The following SPPL3 variants were observed in gnomAD, a reference collection of about 807,000 sequenced individuals.
SPPL3 encodes signal peptide peptidase like 3.
SPPL3 carries 5 observed loss-of-function variants against 42.4 expected under a neutral mutation model. The observed-to-expected ratio is 0.12, with a 90% CI of 0.06 to 0.25. SPPL3 has a LOEUF of 0.25. SPPL3 is among the 10% of genes least tolerant of loss of function. The pLI is 1.00. For synonymous variants in SPPL3, 195 were observed against 181.8 expected (o/e 1.07, Z -0.58); for missense variants, 235 against 489.0 (o/e 0.48, Z 4.90).
At chr12:120,808,096 T>TG (rs1870564970) in intron 2 of SPPL3, among the ~76,000 whole-genome samples, 1 of 151,394 alleles carries the variant, frequency 6.6e-6, no homozygotes, top group Non-Finnish European at 1.5e-5. Flanking sequence ...CTTTTTTTTT[T>TG]TTTTTTGTTT....
intron 1 of SPPL3, among the ~76,000 whole-genome samples, chr12:120,817,628 C>G (rs1870926017): frequency 1.3e-5 from 2 of 152,132 alleles, no homozygotes; most frequent in African/African-American, 4.8e-5. Context: ...AAAAATGTGG[C>G]CAGCCTTAAG....
Position 120,784,485 on chromosome 12 carries a change from A to G in SPPL3, c.299T>C (p.Ile100Thr), listed in dbSNP as rs766226358. Residue 100 changes from isoleucine (I) to threonine (T), a missense_variant, in exon 4 of 11, where the codon ATA becomes ACA. Ile to Thr is a moderately conservative substitution (Grantham distance 89, BLOSUM62 -1). Coordinates refer to ENST00000353487, the MANE Select transcript of SPPL3 (RefSeq NM_139015.5). ...FFDSVQVVFT[I>T]CTAVLATIAF... ...AAACTCATATTTACCTGCTGTACAT[A>G]TTGTAAAAACTACTTGAACTGAGTC... 1.9e-6 allele frequency: 3 copies of G among 1,609,048 alleles called. No individual in the cohort carries two copies. The highest frequency in any genetic ancestry group is 3.4e-5 in the Admixed American group (2 of 59,090).
intron 1 of SPPL3, among the ~76,000 whole-genome samples, chr12:120,844,369 T>C (rs879529619): frequency 6.6e-6 from 1 of 152,182 alleles, no homozygotes. Flanking sequence ...CTTACTCCCA[T>C]TCTCCTTCGC....
chr12:120,832,510 A>G (rs1259010594), intron 1 of SPPL3, among the ~76,000 whole-genome samples: 3 of 152,094 alleles, frequency 2.0e-5, no homozygotes, highest in Non-Finnish European at 2.9e-5. Context: ...CATCTCTACT[A>G]AAAATGCAAA....
rs2136962801 is a variant in SPPL3 at position 120,764,028 on chromosome 12, GA to G, written c.*970del. ...CCCTGCGAGGGAGAAGCCTAGAAAA[GA>G]AAGAAAGGGCCAAAAGGTTTGAACT... On this transcript the variant is annotated 3_prime_UTR_variant, in exon 11 of 11. Coordinates refer to ENST00000353487, the MANE Select transcript of SPPL3 (RefSeq NM_139015.5). The G allele has an allele frequency of 6.5e-6, 1 of 152,688 alleles. No homozygotes were observed. Among genetic ancestry groups the G allele is most frequent in the South Asian group, 2.1e-4 (1 of 4,828 alleles). 9.5% of individuals were successfully genotyped at this position (152,688 alleles called of 1,614,324 possible).
intron 1 of SPPL3, among the ~76,000 whole-genome samples, chr12:120,843,723 T>G (rs531936598): frequency 6.6e-6 from 1 of 152,096 alleles, no homozygotes; most frequent in South Asian, 2.1e-4. Context: ...GTGGCTGAGG[T>G]GGGTGGATCG....
chr12:120,889,958 T>A (rs949785026), intron 1 of SPPL3, among the ~76,000 whole-genome samples: 1 of 151,948 alleles, frequency 6.6e-6, no homozygotes, highest in African/African-American at 2.4e-5. Context: ...AAAAAAAAAA[T>A]AATTTTGCTG....
At chr12:120,838,869 A>C (rs1218436147) in intron 1 of SPPL3, among the ~76,000 whole-genome samples, 2 of 152,194 alleles carry the variant, frequency 1.3e-5, no homozygotes, top group Non-Finnish European at 2.9e-5. Context: ...CAGGTGCTGG[A>C]GAGAATATGG....
intron 6 of SPPL3, among the ~76,000 whole-genome samples, chr12:120,777,075 C>A (rs2136973320): frequency 6.6e-6 from 1 of 152,280 alleles, no homozygotes; most frequent in Non-Finnish European, 1.5e-5. Flanking sequence ...AAGACACCAT[C>A]ATAAAACAGT....
intron 1 of SPPL3, among the ~76,000 whole-genome samples, chr12:120,832,499 C>G (rs2137018973): frequency 6.6e-6 from 1 of 152,120 alleles, no homozygotes; most frequent in African/African-American, 2.4e-5. Context: ...TGAAGAAACC[C>G]CATCTCTACT....
chr12:120,791,944 T>C (rs1226157338), intron 2 of SPPL3: 1 of 207,902 alleles, frequency 4.8e-6, no homozygotes, highest in East Asian at 1.6e-4. Flanking sequence ...CAGCAGTGTA[T>C]GAGAGCACTC....
At chr12:120,851,206 A>C (rs1190899572) in intron 1 of SPPL3, among the ~76,000 whole-genome samples, 1 of 152,192 alleles carries the variant, frequency 6.6e-6, no homozygotes, top group African/African-American at 2.4e-5. Context: ...TGATATAGTC[A>C]AAAAACTAGA....
chr12:120,858,138 A>G (rs1872518324), intron 1 of SPPL3, among the ~76,000 whole-genome samples: 1 of 152,236 alleles, frequency 6.6e-6, no homozygotes, highest in African/African-American at 2.4e-5. Flanking sequence ...TAAAACAGGT[A>G]AAAACTGTAA....
At chr12:120,847,013 C>G (rs1872062505) in intron 1 of SPPL3, among the ~76,000 whole-genome samples, 1 of 152,116 alleles carries the variant, frequency 6.6e-6, no homozygotes, top group Admixed American at 6.5e-5. Context: ...ATAGACTTTT[C>G]TAAGATTTCC....
intron 1 of SPPL3, among the ~76,000 whole-genome samples, chr12:120,827,691 A>AT (rs982474237): frequency 6.6e-6 from 1 of 152,194 alleles, no homozygotes; most frequent in African/African-American, 2.4e-5. Flanking sequence ...AGCTGGGATC[A>AT]TTAAGTTGTA....
chr12:120,773,049 A>T (rs1287492633), intron 6 of SPPL3, among the ~76,000 whole-genome samples: 1 of 152,242 alleles, frequency 6.6e-6, no homozygotes, highest in Non-Finnish European at 1.5e-5. Context: ...GAACCTAATG[A>T]AATGTATTAG....
chr12:120,788,744 T>C (rs1045577337), intron 3 of SPPL3, among the ~76,000 whole-genome samples: 1 of 152,220 alleles, frequency 6.6e-6, no homozygotes, highest in Non-Finnish European at 1.5e-5. Context: ...GATTACTGTC[T>C]CCTTCAATCA....
intron 1 of SPPL3, among the ~76,000 whole-genome samples, chr12:120,828,439 T>G (rs578114382): frequency 6.6e-6 from 1 of 151,728 alleles, no homozygotes; most frequent in Non-Finnish European, 1.5e-5. Context: ...CAAATTAAAC[T>G]CAAATCAAAT....
At chr12:120,806,169 C>T (rs1870482458) in intron 2 of SPPL3, among the ~76,000 whole-genome samples, 1 of 150,794 alleles carries the variant, frequency 6.6e-6, no homozygotes, top group Non-Finnish European at 1.5e-5. Flanking sequence ...CAGACCAGAC[C>T]TAATAACTAT....
Sources: allele counts gnomAD v4.1 joint callset (sites outside exome capture counted in the v4.1 genomes callset), GRCh38; gene constraint gnomAD v4.1.1; transcripts MANE v1.5; gene names NCBI Gene and HGNC (gene_info 2026-07-23, HGNC 2026-07-21).